AGPAT5: variants seen among roughly 807,000 people sequenced by gnomAD.
AGPAT5 encodes the protein 1-acyl-sn-glycerol-3-phosphate acyltransferase epsilon.
Under a neutral mutation model 45.6 loss-of-function variants are expected in AGPAT5, and 46 were observed. The observed-to-expected ratio is 1.01, with a 90% CI of 0.80 to 1.29. The LOEUF is 1.29. Among genes scored for constraint, AGPAT5 ranks in the 50% most tolerant of loss-of-function variants. The pLI is 0.00. For synonymous variants in AGPAT5, 272 were observed against 167.0 expected (o/e 1.63, Z -4.85); for missense variants, 673 against 450.7 (o/e 1.49, Z -4.47).
At chr8:6,713,393 A>G (rs1800219023) in intron 1 of AGPAT5, among the ~76,000 whole-genome samples, 1 of 152,224 alleles carries the variant, frequency 6.6e-6, no homozygotes, top group African/African-American at 2.4e-5. Context: ...CCAAATGCTA[A>G]TGTAATATAA....
intron 2 of AGPAT5, among the ~76,000 whole-genome samples, chr8:6,729,983 TAGA>T (rs1433833761): frequency 6.6e-6 from 1 of 152,210 alleles, no homozygotes; most frequent in African/African-American, 2.4e-5. Context: ...AACTCATTAG[TAGA>T]AGATGAAGTG....
chr8:6,738,840 T>A (rs992754780), intron 4 of AGPAT5, among the ~76,000 whole-genome samples: 1 of 145,266 alleles, frequency 6.9e-6, no homozygotes, highest in Admixed American at 6.6e-5. Context: ...ATTTATTGAT[T>A]TTTTTTCTCT....
intron 1 of AGPAT5, among the ~76,000 whole-genome samples, chr8:6,724,040 C>T (rs1800595106): frequency 6.6e-6 from 1 of 152,168 alleles, no homozygotes; most frequent in African/African-American, 2.4e-5. Flanking sequence ...AGTATACTCC[C>T]AGTTTCTTGA....
At chr8:6,746,859 A>G (rs1027488355) in intron 5 of AGPAT5, among the ~76,000 whole-genome samples, 3 of 152,210 alleles carry the variant, frequency 2.0e-5, no homozygotes, top group African/African-American at 4.8e-5. Context: ...GTCAGTAAAT[A>G]TTTTAATCAA....
At chr8:6,727,900 G>C in intron 2 of AGPAT5, among the ~76,000 whole-genome samples, 1 of 152,180 alleles carries the variant, frequency 6.6e-6, no homozygotes, top group Non-Finnish European at 1.5e-5. Context: ...TTATTGGTAA[G>C]GTGTGAGTGA....
intron 5 of AGPAT5, chr8:6,745,630 A>G (rs1587054572): frequency 6.6e-6 from 1 of 151,396 alleles, no homozygotes; most frequent in Non-Finnish European, 1.5e-5. Context: ...TCCTTTAAAC[A>G]TCTCTTCCCT....
At position 6,716,245 on chromosome 8, in the gene AGPAT5, A is replaced by G. The variant is rs115484364; in HGVS notation, c.219+7358A>G. 4.4e-3 allele frequency among the ~76,000 whole-genome samples: 665 copies of G among 152,278 alleles called. 4 individuals carry two copies. Among genetic ancestry groups the G allele is most frequent in the African/African-American group, 0.016 (647 of 41,558 alleles). ...ATAATGGGAAGAATGACTTGATTTT[A>G]CTTTTTCTTTTAACAAAAATGGTGG... On this transcript the variant is annotated intron_variant, in intron 1 of 7. Transcript: ENST00000285518.
At chr8:6,711,521 A>G (rs1373877156) in intron 1 of AGPAT5, among the ~76,000 whole-genome samples, 1 of 152,376 alleles carries the variant, frequency 6.6e-6, no homozygotes, top group South Asian at 2.1e-4. Context: ...TTTATATTTC[A>G]CGTAATTTGA....
At chr8:6,732,962 C>CA (rs1202935188) in intron 4 of AGPAT5, among the ~76,000 whole-genome samples, 2 of 152,184 alleles carry the variant, frequency 1.3e-5, no homozygotes, top group African/African-American at 4.8e-5. Flanking sequence ...AGCTAGTTTA[C>CA]AAGCTCATCT....
At chr8:6,708,990 G>C in intron 1 of AGPAT5, 103 bp downstream of exon 1, 6 of 1,153,244 alleles carry the variant, frequency 5.2e-6, no homozygotes, top group Non-Finnish European at 7.5e-6. Flanking sequence ...GGCCGGCCCG[G>C]CGGACCCAGC....
intron 4 of AGPAT5, among the ~76,000 whole-genome samples, chr8:6,739,898 A>AT (rs1022464284): frequency 2.6e-5 from 4 of 151,638 alleles, no homozygotes; most frequent in African/African-American, 9.7e-5. Flanking sequence ...CCCTTCCTAA[A>AT]TTTTTTCTCA....
intron 1 of AGPAT5, among the ~76,000 whole-genome samples, chr8:6,713,558 A>G (rs1420798191): frequency 4.6e-5 from 7 of 152,134 alleles, no homozygotes; most frequent in African/African-American, 1.7e-4. Flanking sequence ...CCAAGGATTC[A>G]TACTTTTTTT....
At chr8:6,739,489 T>A (rs549088813) in intron 4 of AGPAT5, among the ~76,000 whole-genome samples, 62 of 152,266 alleles carry the variant, frequency 4.1e-4, no homozygotes, top group African/African-American at 1.4e-3. Flanking sequence ...TGTACAGATT[T>A]GCACATCTTT....
chr8:6,757,665 A>T lies in AGPAT5; in HGVS notation c.*277A>T. The T allele has an allele frequency of 3.3e-6, 1 of 301,826 alleles. No homozygotes were observed. The highest frequency in any genetic ancestry group is 5.8e-5 in the East Asian group (1 of 17,318). 18.7% of individuals were successfully genotyped at this position (301,826 alleles called of 1,614,324 possible). A position where few individuals can be genotyped will look rare whatever the true frequency, so the allele number is the denominator to read the frequency against. On this transcript the variant is annotated 3_prime_UTR_variant, in exon 8 of 8. Coordinates refer to ENST00000285518, the MANE Select transcript of AGPAT5 (RefSeq NM_018361.5). ...TCCTATGAACTAATGACAACTTGAG[A>T]AGGCTGGGAGGATTGTGTATTTTGC...
chr8:6,718,498 C>A (rs1169408714), intron 1 of AGPAT5, among the ~76,000 whole-genome samples: 1 of 98,196 alleles, frequency 1.0e-5, no homozygotes, highest in Non-Finnish European at 2.0e-5. Flanking sequence ...TTGTAACATC[C>A]TTCTGGAAAA....
Position 6,747,402 on chromosome 8 carries a change from T to A in AGPAT5, c.587-268T>A, listed in dbSNP as rs908880626. Among the ~76,000 whole-genome samples, 52 of 152,230 alleles carry A rather than the reference T, an allele frequency of 3.4e-4. 1 individual carries two copies. Among genetic ancestry groups the A allele is most frequent in the African/African-American group, 1.2e-3 (50 of 41,466 alleles). On this transcript the variant is annotated intron_variant, in intron 5 of 7. Coordinates refer to ENST00000285518, the MANE Select transcript of AGPAT5 (RefSeq NM_018361.5). ...TTACCCTTGCCGGGGTCTACTAGAT[T>A]GAAGCGTTTCCGCTAGGCCATAAAC...
rs530881919 is a variant in AGPAT5, at chr8:6,760,913, T to G, written c.*3525T>G. ...CTGAATTTAAAACCTTCAACTATTA[T>G]GAAGTGCTCGTCTGTACAATCGCTA... On this transcript the variant is annotated 3_prime_UTR_variant, in exon 8 of 8. Transcript: ENST00000285518. Among the ~76,000 whole-genome samples the G allele has an allele frequency of 6.6e-6, 1 of 152,332 alleles. No homozygotes were observed. The highest frequency in any genetic ancestry group is 1.5e-5 in the Non-Finnish European group (1 of 68,026).
At chr8:6,727,003 C>T (rs1800710354) in intron 2 of AGPAT5, among the ~76,000 whole-genome samples, 1 of 152,070 alleles carries the variant, frequency 6.6e-6, no homozygotes, top group African/African-American at 2.4e-5. Flanking sequence ...TTTCAGAGAC[C>T]CCTAAAGCCT....
chr8:6,741,555 C>T (rs189966783), intron 4 of AGPAT5, 106 bp from the exon 5 acceptor site: 2 of 692,792 alleles, frequency 2.9e-6, no homozygotes, highest in Non-Finnish European at 4.8e-6. Flanking sequence ...TTTTCTCCTA[C>T]TGTAGGAAAT....
Sources: allele counts gnomAD v4.1 joint callset (sites outside exome capture counted in the v4.1 genomes callset), GRCh38; gene constraint gnomAD v4.1.1; transcripts MANE v1.5; gene names NCBI Gene and HGNC (gene_info 2026-07-23, HGNC 2026-07-21).